MEIS2: variants seen among roughly 807,000 people sequenced by gnomAD.
MEIS2 encodes homeobox protein Meis2.
A neutral mutation model predicts 58.6 loss-of-function variants in MEIS2; 9 were observed. That is an observed-to-expected ratio of 0.15 (90% CI 0.09 to 0.27). MEIS2 has a LOEUF of 0.27. MEIS2 is among the 10% of genes least tolerant of loss of function. MEIS2 has a pLI of 1.00. For synonymous variants in MEIS2, 221 were observed against 228.4 expected (o/e 0.97, Z 0.29); for missense variants, 427 against 635.0 (o/e 0.67, Z 3.52).
intron 8 of MEIS2, among the ~76,000 whole-genome samples, chr15:36,974,654 G>A (rs1401491989): frequency 1.3e-5 from 2 of 152,144 alleles, no homozygotes; most frequent in South Asian, 2.1e-4. Context: ...ATGGGTTAAC[G>A]TCCTCTGTAA....
intron 8 of MEIS2, among the ~76,000 whole-genome samples, chr15:36,983,844 G>C (rs2060009555): frequency 6.6e-6 from 1 of 151,894 alleles, no homozygotes; most frequent in Non-Finnish European, 1.5e-5. Context: ...CAGTTTTTTA[G>C]TGTACAGATC....
intron 9 of MEIS2, among the ~76,000 whole-genome samples, chr15:36,920,800 A>G (rs1483281881): frequency 6.6e-6 from 1 of 152,226 alleles, no homozygotes; most frequent in Non-Finnish European, 1.5e-5. Flanking sequence ...CTTAAATTTA[A>G]AAAGAAAAAC....
At chr15:36,911,965 A>G (rs1011239765) in intron 9 of MEIS2, among the ~76,000 whole-genome samples, 1 of 152,244 alleles carries the variant, frequency 6.6e-6, no homozygotes, top group Non-Finnish European at 1.5e-5. Flanking sequence ...AGTAAGCAGT[A>G]CAGGACTCGT....
chr15:37,064,297 T>C (rs1353196956), intron 7 of MEIS2, among the ~76,000 whole-genome samples: 1 of 152,122 alleles, frequency 6.6e-6, no homozygotes, highest in East Asian at 1.9e-4. Context: ...ATGCAGATAC[T>C]ACGTTAGTAT....
At chr15:37,049,032 AAAAGT>A (rs1303159275) in intron 7 of MEIS2, among the ~76,000 whole-genome samples, 1 of 152,234 alleles carries the variant, frequency 6.6e-6, no homozygotes, top group African/African-American at 2.4e-5. Context: ...CTAGCACTTT[AAAAGT>A]AAAGTGATGC....
chr15:36,987,376 C>T (rs2141535409), intron 8 of MEIS2, among the ~76,000 whole-genome samples: 1 of 147,596 alleles, frequency 6.8e-6, no homozygotes, highest in East Asian at 2.0e-4. Context: ...CCTCTGCACT[C>T]CAGTGTGGGC....
chr15:37,093,910 GTAAT>G (rs1227195942), intron 5 of MEIS2, 180 bp from the exon 6 acceptor site: 1 of 687,640 alleles, frequency 1.5e-6, no homozygotes, highest in Non-Finnish European at 2.4e-6. Context: ...AAACAATAGA[GTAAT>G]TGTTGCAGCA....
intron 7 of MEIS2, among the ~76,000 whole-genome samples, chr15:37,080,664 C>T (rs1039409330): frequency 2.6e-5 from 4 of 152,122 alleles, no homozygotes; most frequent in Admixed American, 6.6e-5. Flanking sequence ...TTCCCCAGAG[C>T]CCCAAGTCTG....
chr15:36,943,455 G>A (rs1350529818), intron 9 of MEIS2, among the ~76,000 whole-genome samples: 1 of 152,094 alleles, frequency 6.6e-6, no homozygotes, highest in Non-Finnish European at 1.5e-5. Flanking sequence ...AAGGGTCTAC[G>A]TTTTTGGCCA....
chr15:36,892,101 C>A lies in MEIS2; in HGVS notation c.*72G>T. The A allele has an allele frequency of 6.7e-7, 1 of 1,496,394 alleles. No individual in the cohort carries two copies. The highest frequency in any genetic ancestry group is 1.2e-5 in the South Asian group (1 of 84,664). 92.7% of individuals were successfully genotyped at this position (1,496,394 alleles called of 1,614,324 possible). A position where few individuals can be genotyped will look rare whatever the true frequency, so the allele number is the denominator to read the frequency against. ...TCTGGAATTTCATATTAAGTGTCAA[C>A]ATCTGGTCAAAGTTCAGAAAGTCTT... On this transcript the variant is annotated 3_prime_UTR_variant, in exon 12 of 12. Transcript: ENST00000561208.
chr15:37,011,605 T>C (rs1471851215), intron 8 of MEIS2, among the ~76,000 whole-genome samples: 1 of 132,134 alleles, frequency 7.6e-6, no homozygotes, highest in African/African-American at 2.8e-5. Context: ...CATCTATCAG[T>C]GGTTTTTTTT....
chr15:37,039,268 T>C (rs2062307848), intron 7 of MEIS2, among the ~76,000 whole-genome samples: 1 of 152,222 alleles, frequency 6.6e-6, no homozygotes, highest in Admixed American at 6.5e-5. Context: ...AATGTATGTA[T>C]GGAATAACTC....
chr15:37,078,635 C>T (rs978057843), intron 7 of MEIS2, among the ~76,000 whole-genome samples: 3 of 73,418 alleles, frequency 4.1e-5, no homozygotes, highest in African/African-American at 4.9e-5. Context: ...AAAAAAAACA[C>T]CAAAAAAGAA....
At chr15:37,036,158 A>T (rs1434633436) in intron 8 of MEIS2, among the ~76,000 whole-genome samples, 1 of 152,258 alleles carries the variant, frequency 6.6e-6, no homozygotes, top group Admixed American at 6.5e-5. Context: ...TGTTACTTTT[A>T]AAATGTCTCA....
intron 9 of MEIS2, among the ~76,000 whole-genome samples, chr15:36,942,222 A>C (rs187367224): frequency 1.2e-4 from 19 of 152,306 alleles, no homozygotes; most frequent in East Asian, 1.2e-3. Flanking sequence ...CAAAACCAAA[A>C]CAAAACAAAA....
chr15:36,909,758 C>T (rs937594887), intron 9 of MEIS2, among the ~76,000 whole-genome samples: 9 of 140,802 alleles, frequency 6.4e-5, no homozygotes, highest in African/African-American at 2.1e-4. Context: ...ATGCACAGTC[C>T]GGGACATAAC....
At chr15:37,052,488 C>T (rs1456656030) in intron 7 of MEIS2, among the ~76,000 whole-genome samples, 1 of 152,188 alleles carries the variant, frequency 6.6e-6, no homozygotes, top group Non-Finnish European at 1.5e-5. Flanking sequence ...ACTCACCACA[C>T]AGACTCTATT....
In MEIS2 at chr15:37,047,855, C is replaced by T. The variant is rs144583300; in HGVS notation, c.755-10896G>A. Among the ~76,000 whole-genome samples, 1,241 of 152,288 alleles carry T rather than the reference C, an allele frequency of 8.1e-3. 18 individuals are homozygous for T. Among genetic ancestry groups the T allele is most frequent in the African/African-American group, 0.029 (1,197 of 41,564 alleles). Reference sequence around the variant, plus strand: ...GAGGAAAACATTATTAAATTATGCTCTAAGTATTTTGTCTGCTTTAGTAAT... The same window carrying T: ...GAGGAAAACATTATTAAATTATGCTTTAAGTATTTTGTCTGCTTTAGTAAT... On this transcript the variant is annotated intron_variant, in intron 7 of 11. Transcript: ENST00000561208.
intron 9 of MEIS2, among the ~76,000 whole-genome samples, chr15:36,942,277 G>A (rs993816017): frequency 6.6e-6 from 1 of 152,144 alleles, no homozygotes; most frequent in African/African-American, 2.4e-5. Flanking sequence ...AAACAGTGAA[G>A]TAGGAAAAAG....
Sources: gnomAD v4.1 joint callset for allele counts (sites outside exome capture counted in the v4.1 genomes callset) on GRCh38, gnomAD v4.1.1 for gene constraint, MANE v1.5 for transcripts, NCBI Gene and HGNC (gene_info 2026-07-23, HGNC 2026-07-21) for gene names.